Variants in TEAD1 observed in about 807,000 individuals in gnomAD.
TEAD1 encodes transcriptional enhancer factor TEF-1.
Under a neutral mutation model 54.9 loss-of-function variants are expected in TEAD1, and 9 were observed. That is an observed-to-expected ratio of 0.16 (90% CI 0.10 to 0.29). The LOEUF (loss-of-function observed/expected upper bound fraction) is 0.29, where lower values mean the gene tolerates loss of function less well. Among genes scored for constraint, TEAD1 ranks in the 10% least tolerant of loss-of-function variants. TEAD1 has a pLI of 1.00. For synonymous variants in TEAD1, 200 were observed against 187.8 expected (o/e 1.07, Z -0.53); for missense variants, 387 against 535.9 (o/e 0.72, Z 2.74).
At chr11:12,935,282 C>T (rs118162031) in intron 12 of TEAD1, among the ~76,000 whole-genome samples, 4,000 of 152,130 alleles carry the variant, frequency 0.026, 88 homozygotes, top group South Asian at 0.045. Flanking sequence ...CATGACCAAA[C>T]GAACCTCTCA....
At chr11:12,888,335 C>G (rs1458442793) in intron 9 of TEAD1, among the ~76,000 whole-genome samples, 2 of 152,150 alleles carry the variant, frequency 1.3e-5, no homozygotes, top group African/African-American at 4.8e-5. Flanking sequence ...ATGGTGAAAC[C>G]CTATCTCTAC....
chr11:12,846,842 T>C (rs888498798), intron 3 of TEAD1, among the ~76,000 whole-genome samples: 4 of 152,240 alleles, frequency 2.6e-5, no homozygotes, highest in Non-Finnish European at 5.9e-5. Context: ...TAAGAAGGGC[T>C]TTAAGCTTTC....
At chr11:12,817,480 G>A (rs1946439734) in intron 3 of TEAD1, among the ~76,000 whole-genome samples, 1 of 152,098 alleles carries the variant, frequency 6.6e-6, no homozygotes, top group Non-Finnish European at 1.5e-5. Flanking sequence ...TGTGAACGGA[G>A]TGTTTACACC....
intron 3 of TEAD1, among the ~76,000 whole-genome samples, chr11:12,799,058 G>C (rs1014263043): frequency 3.9e-5 from 6 of 152,140 alleles, no homozygotes; most frequent in African/African-American, 1.2e-4. Context: ...TGTCCTACTG[G>C]GCTTTTCTAT....
At chr11:12,880,230 A>T (rs1947938860) in intron 6 of TEAD1, among the ~76,000 whole-genome samples, 1 of 152,144 alleles carries the variant, frequency 6.6e-6, no homozygotes, top group Non-Finnish European at 1.5e-5. Flanking sequence ...CTTCAGGGGC[A>T]ACTAGCCCCT....
chr11:12,826,398 A>G (rs1946656557), intron 3 of TEAD1, among the ~76,000 whole-genome samples: 1 of 152,176 alleles, frequency 6.6e-6, no homozygotes, highest in Non-Finnish European at 1.5e-5. Flanking sequence ...CTTGGATTAC[A>G]CTTTCCCTGT....
rs192773562 is a variant in TEAD1, at chr11:12,937,358, G to A, written c.*136G>A. ...GGTGCCCTGGCCCCGAGGTCACCCC[G>A]ACTTTTCTAAATCTTGTTTGAGTGA... On this transcript the variant is annotated 3_prime_UTR_variant, in exon 13 of 13. Coordinates refer to ENST00000527636, the MANE Select transcript of TEAD1 (RefSeq NM_021961.6). The A allele has an allele frequency of 2.1e-5, 14 of 667,550 alleles. No individual in the cohort carries two copies. The highest frequency in any genetic ancestry group is 2.6e-4 in the Middle Eastern group (1 of 3,806). 41.4% of individuals were successfully genotyped at this position (667,550 alleles called of 1,614,324 possible).
intron 3 of TEAD1, among the ~76,000 whole-genome samples, chr11:12,833,395 T>C (rs1254824812): frequency 1.3e-5 from 2 of 152,200 alleles, no homozygotes; most frequent in African/African-American, 4.8e-5. Flanking sequence ...GCTGAATATT[T>C]TAATGCAGGG....
chr11:12,727,106 G>A (rs1944328179), intron 2 of TEAD1, among the ~76,000 whole-genome samples: 1 of 151,976 alleles, frequency 6.6e-6, no homozygotes, highest in Admixed American at 6.6e-5. Flanking sequence ...TGGACGTGGT[G>A]GTGCACGCCT....
intron 2 of TEAD1, among the ~76,000 whole-genome samples, chr11:12,707,272 CCCTT>C (rs1282746005): frequency 2.0e-5 from 3 of 152,030 alleles, no homozygotes; most frequent in Non-Finnish European, 2.9e-5. Flanking sequence ...CCTGGGATCA[CCCTT>C]CCACTCCTCC....
At chr11:12,800,419 C>G in intron 3 of TEAD1, among the ~76,000 whole-genome samples, 1 of 152,208 alleles carries the variant, frequency 6.6e-6, no homozygotes, top group East Asian at 1.9e-4. Flanking sequence ...GAGAGAAATA[C>G]AAATTAGATA....
chr11:12,810,475 C>T (rs141447556), intron 3 of TEAD1, among the ~76,000 whole-genome samples: 1 of 152,196 alleles, frequency 6.6e-6, no homozygotes, highest in African/African-American at 2.4e-5. Context: ...TGGGAGAACT[C>T]TGGGCTCCTT....
chr11:12,913,294 A>G (rs1948651166), intron 10 of TEAD1, among the ~76,000 whole-genome samples: 2 of 152,168 alleles, frequency 1.3e-5, no homozygotes, highest in African/African-American at 4.8e-5. Context: ...TAAAAAAGTG[A>G]TGCAGGTTTG....
chr11:12,882,951 C>T, intron 8 of TEAD1, 50 bp from the exon 9 acceptor site: 1 of 1,613,990 alleles, frequency 6.2e-7, no homozygotes, highest in South Asian at 1.1e-5. Flanking sequence ...TTGCCTGAGG[C>T]CCAAGGGGAG....
chr11:12,680,381 G>T (rs1020128133), intron 2 of TEAD1, among the ~76,000 whole-genome samples: 1 of 152,228 alleles, frequency 6.6e-6, no homozygotes, highest in African/African-American at 2.4e-5. Flanking sequence ...CGGAGAGCCC[G>T]CGGAAACCAA....
At chr11:12,809,038 C>G (rs1564947251) in intron 3 of TEAD1, among the ~76,000 whole-genome samples, 1 of 152,178 alleles carries the variant, frequency 6.6e-6, no homozygotes, top group African/African-American at 2.4e-5. Flanking sequence ...TGAGGCCCAT[C>G]CCAAAGTAGA....
chr11:12,795,421 T>G (rs1437412347), intron 3 of TEAD1, among the ~76,000 whole-genome samples: 2 of 152,204 alleles, frequency 1.3e-5, no homozygotes, highest in African/African-American at 4.8e-5. Flanking sequence ...TTTTGGGGCA[T>G]GCAATTCAAC....
At chr11:12,731,579 G>A (rs1944425842) in intron 2 of TEAD1, among the ~76,000 whole-genome samples, 1 of 151,964 alleles carries the variant, frequency 6.6e-6, no homozygotes, top group South Asian at 2.1e-4. Flanking sequence ...TTTTAAAATA[G>A]GATATATAAT....
At chr11:12,730,872 A>G (rs901685847) in intron 2 of TEAD1, among the ~76,000 whole-genome samples, 46 of 151,278 alleles carry the variant, frequency 3.0e-4, no homozygotes, top group African/African-American at 9.7e-4. Flanking sequence ...GGCTAATTTT[A>G]GTATTTTTTA....
Sources: allele counts gnomAD v4.1 joint callset (sites outside exome capture counted in the v4.1 genomes callset), GRCh38; gene constraint gnomAD v4.1.1; transcripts MANE v1.5; gene names NCBI Gene and HGNC (gene_info 2026-07-23, HGNC 2026-07-21).